The following ACCS variants were observed in gnomAD, a reference collection of about 807,000 sequenced individuals.
ACCS encodes the protein 1-aminocyclopropane-1-carboxylate synthase-like protein 1.
A neutral mutation model predicts 59.8 loss-of-function variants in ACCS; 42 were observed. That is an observed-to-expected ratio of 0.70 (90% CI 0.55 to 0.91). The LOEUF (loss-of-function observed/expected upper bound fraction) is 0.91. Among genes scored for constraint, ACCS ranks in the 40% least tolerant of loss-of-function variants. The probability of loss-of-function intolerance (pLI) is 0.00; values close to 1 mark genes in which losing one functional copy is unlikely to be tolerated. For missense variants in ACCS, 602 were observed against 630.4 expected (o/e 0.95, Z 0.48); for synonymous variants, 230 against 240.3 (o/e 0.96, Z 0.40).
At chr11:44,078,080 G>A in intron 8 of ACCS, 158 bp downstream of exon 8, 1 of 953,316 alleles carries the variant, frequency 1.0e-6, no homozygotes, top group Non-Finnish European at 1.5e-6. Flanking sequence ...CTGGGAGTCA[G>A]GCAGAACCCT....
chr11:44,069,492 C>T (rs918059549), intron 2 of ACCS, among the ~76,000 whole-genome samples: 7 of 152,224 alleles, frequency 4.6e-5, no homozygotes, highest in Non-Finnish European at 8.8e-5. Flanking sequence ...GCTGGGATTA[C>T]AGGCATGAGC....
intron 7 of ACCS, 56 bp downstream of exon 7, chr11:44,077,432 C>A: frequency 1.2e-6 from 2 of 1,609,400 alleles, no homozygotes; most frequent in Non-Finnish European, 8.5e-7. Context: ...CAAGAGTTTC[C>A]TGGGTCTGAA....
In ACCS at chr11:44,073,534, G is replaced by T. The variant is rs757187917; in HGVS notation, c.419+17G>T. On this transcript the variant is annotated intron_variant, in intron 4 of 14. Transcript: ENST00000263776. ...ACATCTGTTGTAAGTAGTTGCCATA[G>T]GGTGAGTTTGTCCCCCTGGGGATGT... 1 of 1,593,668 alleles carries T rather than the reference G, an allele frequency of 6.3e-7. No individual in the cohort carries two copies. Among genetic ancestry groups the T allele is most frequent in the Non-Finnish European group, 8.6e-7 (1 of 1,168,414 alleles).
In ACCS at chr11:44,077,330, G is replaced by A. The variant is rs369503134; in HGVS notation, c.608G>A (p.Cys203Tyr). The A allele has an allele frequency of 1.1e-5, 18 of 1,614,058 alleles. No individual in the cohort carries two copies. The African/African-American group carries it at 2.3e-4, about 20-fold the overall frequency. Residue 203 changes from cysteine to tyrosine, a missense_variant, in exon 7 of 15, where the codon TGT (cysteine) becomes TAT (tyrosine). Physicochemically the swap from Cys to Tyr is radical, Grantham distance 194. Coordinates refer to ENST00000263776, the MANE Select transcript of ACCS (RefSeq NM_032592.4). ...PYYGAITQHV[C>Y]LYGNIRLAYV... ...TATGGCGCTATCACACAGCACGTGT[G>A]TCTCTATGGCAACATCCGGCTGGCC...
chr11:44,077,381 G>C lies in ACCS; in HGVS notation c.654+5G>C. ...TATGTCTACCTGGACAGTGAGGTAA[G>C]AGTCTTGACTTCCTAGGTGGAACCT... On this transcript the variant is annotated splice_donor_5th_base_variant and intron_variant, in intron 7 of 14. Transcript: ENST00000263776. The C allele has an allele frequency of 1.9e-6, 3 of 1,613,960 alleles. No individual in the cohort carries two copies. The highest frequency in any genetic ancestry group is 2.5e-6 in the Non-Finnish European group (3 of 1,179,888).
At chr11:44,067,103 A>T in intron 1 of ACCS, 1 of 156,264 alleles carries the variant, frequency 6.4e-6, no homozygotes, top group Non-Finnish European at 1.4e-5. Flanking sequence ...CTGAAGAGGC[A>T]GGCCCTGGAG....
chr11:44,067,561 A>G (rs1952847341), intron 1 of ACCS, 67 bp from the exon 2 acceptor site: 2 of 1,502,662 alleles, frequency 1.3e-6, no homozygotes. Context: ...CATGACTCCA[A>G]CTCCTTTCTG....
rs563348585 is a variant in ACCS, at chr11:44,083,245, T to A, written c.1188T>A (p.Leu396=). ...KAAHTYVSEE[L]RALGIPFLSR... is the part of the protein sequence containing the mutation. ...CCCACACCTATGTCTCAGAAGAGCT[T>A]AGGGCATTGGGGATCCCCTTCTTGA... Residue 396 remains leucine (L), a synonymous_variant, in exon 13 of 15, where the codon CTT becomes CTA. Coordinates refer to ENST00000263776, the MANE Select transcript of ACCS (RefSeq NM_032592.4). The A allele has an allele frequency of 3.7e-4, 592 of 1,614,208 alleles. 11 individuals carry two copies. In the South Asian group the frequency reaches 6.0e-3, roughly 16 times the overall value.
intron 2 of ACCS, among the ~76,000 whole-genome samples, chr11:44,069,849 A>G (rs7951555): frequency 0.14 from 20,926 of 152,206 alleles, 1,675 homozygotes; most frequent in East Asian, 0.29. Context: ...ACATCTGCCT[A>G]TTCTGTTAAT....
intron 4 of ACCS, 24 bp from the exon 5 acceptor site, chr11:44,074,588 A>T: frequency 6.2e-7 from 1 of 1,606,428 alleles, no homozygotes; most frequent in Non-Finnish European, 8.5e-7. Flanking sequence ...TCTGGCAAGC[A>T]CTGTCTTTTT....
chr11:44,078,645 G>A, intron 8 of ACCS, 39 bp from the exon 9 acceptor site: 1 of 1,596,944 alleles, frequency 6.3e-7, no homozygotes, highest in Non-Finnish European at 8.6e-7. Context: ...TGGCCTTGGG[G>A]AAGAGCTGAG....
In ACCS at chr11:44,071,256, G is replaced by A. The variant is rs1042029364; in HGVS notation, c.289G>A (p.Gly97Ser). Residue 97 changes from glycine to serine, a missense_variant and splice_region_variant, in exon 3 of 15, where the codon GGC becomes AGC. Transcript: ENST00000263776. ...DEYDEDKNPS[G>S]IINLGTSENK... ...CTGCCTCTGTACCTCTCATCTCCAG[G>A]GCATCATTAACTTGGGCACCAGTGA... The A allele has an allele frequency of 1.2e-6, 2 of 1,613,950 alleles. No individual in the cohort carries two copies.
At chr11:44,078,205 G>T in intron 8 of ACCS, 2 of 444,650 alleles carry the variant, frequency 4.5e-6, no homozygotes, top group Non-Finnish European at 8.0e-6. Flanking sequence ...TTATGATTCA[G>T]TGGGTCAAGT....
At chr11:44,077,213 A>G (rs924132584) in intron 6 of ACCS, 66 bp from the exon 7 acceptor site, 4 of 1,534,780 alleles carry the variant, frequency 2.6e-6, no homozygotes, top group South Asian at 2.4e-5. Flanking sequence ...GACTGGGGAC[A>G]GTGGACAGAG....
intron 3 of ACCS, chr11:44,072,445 T>C (rs148435879): frequency 0.035 from 5,291 of 152,200 alleles, 135 homozygotes; most frequent in Non-Finnish European, 0.052. Context: ...CGTGAGCCAC[T>C]GCACCCGGCC....
chr11:44,080,963 A>T, intron 10 of ACCS, 57 bp from the exon 11 acceptor site: 1 of 1,604,592 alleles, frequency 6.2e-7, no homozygotes, highest in Admixed American at 1.7e-5. Context: ...TCAACCAAAC[A>T]CATGTGGGTT....
chr11:44,070,203 G>A (rs561371755), intron 2 of ACCS, among the ~76,000 whole-genome samples: 1 of 152,330 alleles, frequency 6.6e-6, no homozygotes, highest in South Asian at 2.1e-4. Context: ...CAAAGGAGGA[G>A]CAGTGTGGTC....
chr11:44,066,980 T>C lies in ACCS; in HGVS notation c.-1+279T>C, dbSNP rs1376523946. ...GGCCACCCCGAGGTGGTTACTGTTATATCCACTGTGCAGATGAGGAAACTA... is the reference window on the plus strand; with the variant it reads ...GGCCACCCCGAGGTGGTTACTGTTACATCCACTGTGCAGATGAGGAAACTA... On this transcript the variant is annotated intron_variant, in intron 1 of 14. Transcript: ENST00000263776. The C allele has an allele frequency of 5.9e-5, 9 of 152,804 alleles. 1 individual carries two copies. In the South Asian group the frequency reaches 8.3e-4, roughly 14 times the overall value. The allele number at this position is 152,804 out of a possible 1,614,324, so 9.5% of individuals were successfully genotyped here.
intron 1 of ACCS, 135 bp from the exon 2 acceptor site, chr11:44,067,493 C>A: frequency 1.1e-6 from 1 of 909,976 alleles, no homozygotes; most frequent in Non-Finnish European, 1.7e-6. Flanking sequence ...CTAAGGGACA[C>A]AGGAAGTGAT....
Sources: gnomAD v4.1 joint callset for allele counts (sites outside exome capture counted in the v4.1 genomes callset) on GRCh38, gnomAD v4.1.1 for gene constraint, MANE v1.5 for transcripts, NCBI Gene and HGNC (gene_info 2026-07-23, HGNC 2026-07-21) for gene names.